COL26A1: variants seen among roughly 807,000 people sequenced by gnomAD.
COL26A1 encodes collagen alpha-1(XXVI) chain.
A neutral mutation model predicts 59.3 loss-of-function variants in COL26A1; 41 were observed. That is an observed-to-expected ratio of 0.69 (90% CI 0.54 to 0.90). The LOEUF is 0.90. Among genes scored for constraint, COL26A1 ranks in the 40% least tolerant of loss-of-function variants. The probability of loss-of-function intolerance (pLI) is 0.00; values close to 1 mark genes in which losing one functional copy is unlikely to be tolerated. For missense variants in COL26A1, 612 were observed against 602.3 expected (o/e 1.02, Z -0.17); for synonymous variants, 266 against 256.0 (o/e 1.04, Z -0.37).
chr7:101,520,662 A>ACACACACACACACCCC (rs915256077), intron 3 of COL26A1, among the ~76,000 whole-genome samples: 29 of 143,240 alleles, frequency 2.0e-4, no homozygotes, highest in African/African-American at 7.3e-4. Flanking sequence ...ACACACACAC[A>ACACACACACACACCCC]CCCCCGTGTT....
At chr7:101,545,591 A>T (rs969008484) in intron 7 of COL26A1, 101 bp downstream of exon 7, 226 of 1,276,410 alleles carry the variant, frequency 1.8e-4, no homozygotes, top group Non-Finnish European at 2.3e-4. Context: ...ACCCCACCAC[A>T]TGCCCATCCT....
chr7:101,465,866 T>C (rs2130444536), intron 3 of COL26A1, among the ~76,000 whole-genome samples: 1 of 152,276 alleles, frequency 6.6e-6, no homozygotes, highest in Non-Finnish European at 1.5e-5. Flanking sequence ...TCTCATCTTC[T>C]GGGGGTCCAC....
intron 3 of COL26A1, among the ~76,000 whole-genome samples, chr7:101,504,102 CTCT>C (rs1025708721): frequency 5.9e-5 from 9 of 152,018 alleles, no homozygotes; most frequent in Admixed American, 4.6e-4. Context: ...GCCCCAACAC[CTCT>C]TTTTTTTTCT....
chr7:101,545,343 C>T lies in COL26A1; in HGVS notation c.709C>T (p.Leu237=). ...TGTTCTTTTCCTCATTGCAGGGCTCCTGGGGCCTCCAGGGCCCCGTGGGCT... is the reference window on the plus strand; with the variant it reads ...TGTTCTTTTCCTCATTGCAGGGCTCTTGGGGCCTCCAGGGCCCCGTGGGCT... ...EKGPAGPPGL[L]GPPGPRGLPG... is the part of the protein sequence containing the mutation. Residue 237 remains leucine, a synonymous_variant, in exon 7 of 13, where the codon CTG becomes TTG. Coordinates refer to ENST00000313669, the MANE Select transcript of COL26A1 (RefSeq NM_001278563.3). 6.4e-7 allele frequency: 1 copy of T among 1,567,968 alleles called. No homozygotes were observed. The highest frequency in any genetic ancestry group is 1.2e-5 in the South Asian group (1 of 85,786).
chr7:101,530,325 T>G (rs928576969), intron 3 of COL26A1, among the ~76,000 whole-genome samples: 1 of 151,838 alleles, frequency 6.6e-6, no homozygotes, highest in Non-Finnish European at 1.5e-5. Flanking sequence ...TCCCAGCACT[T>G]TGGGAGGCTG....
chr7:101,406,576 C>T (rs1000701402), intron 1 of COL26A1, among the ~76,000 whole-genome samples: 2 of 152,210 alleles, frequency 1.3e-5, no homozygotes, highest in African/African-American at 4.8e-5. Context: ...CCCCACTGGG[C>T]TCAGCTTCCA....
chr7:101,376,579 T>C (rs1791324576), intron 1 of COL26A1, among the ~76,000 whole-genome samples: 1 of 148,162 alleles, frequency 6.7e-6, no homozygotes, highest in Non-Finnish European at 1.5e-5. Flanking sequence ...TCGGACCTTC[T>C]CCTGTAGCTG....
intron 3 of COL26A1, among the ~76,000 whole-genome samples, chr7:101,528,203 G>A (rs1795290073): frequency 6.6e-6 from 1 of 152,118 alleles, no homozygotes; most frequent in African/African-American, 2.4e-5. Context: ...CAGTGCCAGA[G>A]CAAACTGGGC....
At chr7:101,550,809 C>T (rs906470805) in intron 9 of COL26A1, among the ~76,000 whole-genome samples, 1 of 148,284 alleles carries the variant, frequency 6.7e-6, no homozygotes, top group African/African-American at 2.5e-5. Context: ...ATCACTAGTT[C>T]TCTCCACACA....
At chr7:101,530,705 G>A (rs1277906316) in intron 3 of COL26A1, among the ~76,000 whole-genome samples, 1 of 151,884 alleles carries the variant, frequency 6.6e-6, no homozygotes, top group Non-Finnish European at 1.5e-5. Context: ...TGTCAGCGTC[G>A]GTGGGTCTTT....
chr7:101,382,835 C>T (rs748110351), intron 1 of COL26A1, among the ~76,000 whole-genome samples: 8 of 152,072 alleles, frequency 5.3e-5, no homozygotes, highest in Non-Finnish European at 1.0e-4. Context: ...TGCTTGAGGC[C>T]AGGAGTTTGA....
chr7:101,402,645 CCCTTCCTT>C (rs138716177), intron 1 of COL26A1, among the ~76,000 whole-genome samples: 6 of 20,618 alleles, frequency 2.9e-4, no homozygotes, highest in African/African-American at 8.7e-4. Context: ...TCCCCTCCCT[CCCTTCCTT>C]CCTTCCTTCC....
Position 101,400,081 on chromosome 7 carries a change from G to A in COL26A1, c.159-19896G>A, listed in dbSNP as rs546131876. 3.9e-5 allele frequency among the ~76,000 whole-genome samples: 6 copies of A among 152,272 alleles called. No homozygotes were observed. The South Asian group carries it at 1.2e-3, about 32-fold the overall frequency. ...AGGGCGGGGACCAAATCTGTGCAGA[G>A]GGGACAGCAAATATTTGAGAGTGAA... is the stretch of plus-strand genomic sequence containing the variant. On this transcript the variant is annotated intron_variant, in intron 1 of 12. Coordinates refer to ENST00000313669, the MANE Select transcript of COL26A1 (RefSeq NM_001278563.3).
rs548636310 is a variant in COL26A1 at position 101,496,754 on chromosome 7, C to T, written c.386-36328C>T. On this transcript the variant is annotated intron_variant, in intron 3 of 12. Coordinates refer to ENST00000313669, the MANE Select transcript of COL26A1 (RefSeq NM_001278563.3). ...TACAAAAAATTCCCAGGCGTGATGG[C>T]GCGTGCCTGTAATCCCAGCTACTCA... is the stretch of plus-strand genomic sequence containing the variant. Among the ~76,000 whole-genome samples the T allele has an allele frequency of 7.6e-4, 115 of 151,892 alleles. 2 individuals are homozygous for T. In the South Asian group the frequency reaches 9.2e-3, roughly 12 times the overall value.
chr7:101,371,806 G>A (rs139101904), intron 1 of COL26A1, among the ~76,000 whole-genome samples: 187 of 152,186 alleles, frequency 1.2e-3, no homozygotes, highest in Admixed American at 2.6e-3. Flanking sequence ...GCAGTGAGAT[G>A]TTTCAGACCC....
At chr7:101,545,236 G>T in intron 6 of COL26A1, 102 bp from the exon 7 acceptor site, 1 of 1,147,888 alleles carries the variant, frequency 8.7e-7, no homozygotes, top group South Asian at 1.7e-5. Flanking sequence ...GTGGGCCCCT[G>T]ACCAACCCTG....
At chr7:101,543,632 C>T (rs533685015) in intron 5 of COL26A1, among the ~76,000 whole-genome samples, 10 of 152,230 alleles carry the variant, frequency 6.6e-5, no homozygotes, top group African/African-American at 2.2e-4. Flanking sequence ...GCCACAAGCC[C>T]GGTTCTTGAC....
At chr7:101,442,235 A>G (rs1562981292) in intron 2 of COL26A1, among the ~76,000 whole-genome samples, 1 of 60,808 alleles carries the variant, frequency 1.6e-5, no homozygotes, top group Non-Finnish European at 4.6e-5. Flanking sequence ...TAATCTAAAC[A>G]AAAGCTCTCC....
Position 101,553,335 on chromosome 7 carries a change from G to A in COL26A1, c.1039G>A (p.Gly347Ser). 1 of 1,613,818 alleles carries A rather than the reference G, an allele frequency of 6.2e-7. No individual in the cohort carries two copies. The highest frequency in any genetic ancestry group is 8.5e-7 in the Non-Finnish European group (1 of 1,179,772). ...RGTVGPSGEP[G>S]VKGEEGEKAA... ...GTGACTTGCTTCTTAGGGTGAACCT[G>A]GCGTGAAGGGGGAAGAAGGAGAGAA... is the stretch of plus-strand genomic sequence containing the variant. Residue 347 changes from glycine (G) to serine (S), a missense_variant, in exon 11 of 13, where the codon GGC becomes AGC. By Grantham distance (56) the Gly-to-Ser change is moderately conservative. Transcript: ENST00000313669.
Sources: allele counts gnomAD v4.1 joint callset (sites outside exome capture counted in the v4.1 genomes callset), GRCh38; gene constraint gnomAD v4.1.1; transcripts MANE v1.5; gene names NCBI Gene and HGNC (gene_info 2026-07-23, HGNC 2026-07-21).